MSRA: variants seen among roughly 807,000 people sequenced by gnomAD.
MSRA encodes methionine sulfoxide reductase A.
A neutral mutation model predicts 31.3 loss-of-function variants in MSRA; 54 were observed. That is an observed-to-expected ratio of 1.73 (90% CI 1.39 to 2.17). The LOEUF is 2.17. Ranked by LOEUF, MSRA falls within the 30% of genes most tolerant of loss-of-function variation. The probability of loss-of-function intolerance (pLI) is 0.00; values close to 1 mark genes in which losing one functional copy is unlikely to be tolerated. For missense variants in MSRA, 507 were observed against 300.9 expected, an observed-to-expected ratio of 1.69 and a Z score of -5.07; for synonymous variants, 169 against 116.5, an observed-to-expected ratio of 1.45 and a Z score of -2.90.
intron 1 of MSRA, among the ~76,000 whole-genome samples, chr8:10,109,877 A>T (rs183183658): frequency 1.3e-5 from 2 of 152,352 alleles, no homozygotes; most frequent in Non-Finnish European, 2.9e-5. Flanking sequence ...ACCAGTCTGA[A>T]TATGGCCTTA....
intron 5 of MSRA, among the ~76,000 whole-genome samples, chr8:10,390,156 G>T (rs576664169): frequency 6.6e-6 from 1 of 152,248 alleles, no homozygotes; most frequent in Non-Finnish European, 1.5e-5. Context: ...GGCTGTGCCA[G>T]TCTCTGTACC....
chr8:10,190,547 G>A (rs1480794004), intron 1 of MSRA, among the ~76,000 whole-genome samples: 1 of 152,246 alleles, frequency 6.6e-6, no homozygotes, highest in Non-Finnish European at 1.5e-5. Flanking sequence ...GGTGGCTGAA[G>A]CACACCTTCT....
intron 5 of MSRA, among the ~76,000 whole-genome samples, chr8:10,324,832 G>C (rs897787918): frequency 1.3e-5 from 2 of 152,178 alleles, no homozygotes; most frequent in South Asian, 2.1e-4. Flanking sequence ...GAAATGACTA[G>C]GCATTCGGGA....
At chr8:10,317,213 C>T (rs979666585) in intron 4 of MSRA, among the ~76,000 whole-genome samples, 8 of 152,148 alleles carry the variant, frequency 5.3e-5, no homozygotes, top group African/African-American at 1.7e-4. Flanking sequence ...TCACTGTCAG[C>T]CGGTAACTCC....
chr8:10,061,138 C>G (rs1176713874), intron 1 of MSRA, among the ~76,000 whole-genome samples: 1 of 152,142 alleles, frequency 6.6e-6, no homozygotes, highest in Non-Finnish European at 1.5e-5. Context: ...ACAATGTGAT[C>G]CTTACCTGCT....
chr8:10,158,667 A>G (rs1342257775), intron 1 of MSRA, among the ~76,000 whole-genome samples: 2 of 151,688 alleles, frequency 1.3e-5, no homozygotes, highest in Non-Finnish European at 3.0e-5. Context: ...CTTTTTGTCT[A>G]TTGTGAATAA....
At chr8:10,379,373 G>A (rs1281619974) in intron 5 of MSRA, among the ~76,000 whole-genome samples, 2 of 152,040 alleles carry the variant, frequency 1.3e-5, no homozygotes, top group African/African-American at 4.8e-5. Flanking sequence ...ACCACTGAAC[G>A]TTCCCTGCCC....
chr8:10,312,650 C>G (rs930471636), intron 4 of MSRA, among the ~76,000 whole-genome samples: 6 of 152,176 alleles, frequency 3.9e-5, no homozygotes, highest in Non-Finnish European at 7.4e-5. Flanking sequence ...AAATCCTACG[C>G]AAACTATTAG....
intron 3 of MSRA, among the ~76,000 whole-genome samples, chr8:10,260,168 G>T (rs1414673883): frequency 6.6e-6 from 1 of 152,266 alleles, no homozygotes. Context: ...GAGCGGCTGT[G>T]TGTGGGCGAG....
chr8:10,350,603 T>C (rs530658369), intron 5 of MSRA, among the ~76,000 whole-genome samples: 19 of 152,224 alleles, frequency 1.2e-4, no homozygotes, highest in African/African-American at 4.3e-4. Flanking sequence ...ATGTTTGAAT[T>C]GGAACCAGAA....
At chr8:10,321,867 A>G (rs922924743) in intron 5 of MSRA, among the ~76,000 whole-genome samples, 1 of 152,190 alleles carries the variant, frequency 6.6e-6, no homozygotes, top group East Asian at 1.9e-4. Flanking sequence ...TTACAGCGTC[A>G]TGAAGGACTT....
chr8:10,225,156 C>T (rs1406629525), intron 2 of MSRA, among the ~76,000 whole-genome samples: 2 of 152,104 alleles, frequency 1.3e-5, no homozygotes, highest in East Asian at 3.9e-4. Flanking sequence ...TAAATAAATA[C>T]ATGCATACAA....
intron 5 of MSRA, among the ~76,000 whole-genome samples, chr8:10,354,997 T>C (rs1209312762): frequency 2.0e-5 from 3 of 152,206 alleles, no homozygotes; most frequent in African/African-American, 7.2e-5. Flanking sequence ...GAGGAATGGC[T>C]ACATATATGC....
At chr8:10,251,256 G>A (rs1005521163) in intron 3 of MSRA, among the ~76,000 whole-genome samples, 1 of 151,930 alleles carries the variant, frequency 6.6e-6, no homozygotes, top group African/African-American at 2.4e-5. Context: ...TTGGGTGGAA[G>A]CGCATGTCTA....
At chr8:10,297,393 CA>C (rs1800603790) in intron 3 of MSRA, among the ~76,000 whole-genome samples, 2 of 152,206 alleles carry the variant, frequency 1.3e-5, no homozygotes, top group Admixed American at 1.3e-4. Flanking sequence ...GAATTGTTAA[CA>C]AGCATGTTTG....
intron 1 of MSRA, among the ~76,000 whole-genome samples, chr8:10,150,199 T>G (rs990851893): frequency 6.6e-6 from 1 of 152,140 alleles, no homozygotes; most frequent in African/African-American, 2.4e-5. Flanking sequence ...GGATGTCCTT[T>G]GTCCTATATT....
chr8:10,116,592 C>A (rs1471536898), intron 1 of MSRA, among the ~76,000 whole-genome samples: 2 of 152,186 alleles, frequency 1.3e-5, no homozygotes, highest in Non-Finnish European at 2.9e-5. Context: ...CGTGTGATAA[C>A]ATACATGCCA....
At chr8:10,341,042 A>G (rs1803395387) in intron 5 of MSRA, among the ~76,000 whole-genome samples, 3 of 152,186 alleles carry the variant, frequency 2.0e-5, no homozygotes, top group South Asian at 2.1e-4. Context: ...GAGGTTGACT[A>G]TTTGTAGGGC....
At chr8:10,077,438 G>C (rs1294245024) in intron 1 of MSRA, among the ~76,000 whole-genome samples, 2 of 144,358 alleles carry the variant, frequency 1.4e-5, no homozygotes, top group Admixed American at 6.8e-5. Context: ...TTGTACTACT[G>C]TTTGTCATTT....
Sources: gnomAD v4.1 joint callset for allele counts (sites outside exome capture counted in the v4.1 genomes callset) on GRCh38, gnomAD v4.1.1 for gene constraint, MANE v1.5 for transcripts, NCBI Gene and HGNC (gene_info 2026-07-23, HGNC 2026-07-21) for gene names.